The following DOCK1 variants were observed in gnomAD, a reference collection of about 807,000 sequenced individuals.
DOCK1 encodes the protein dedicator of cytokinesis protein 1.
DOCK1 carries 138 observed loss-of-function variants against 262.7 expected under a neutral mutation model. The ratio of observed to expected loss-of-function variants is 0.53; its 90% CI spans 0.46 to 0.61. The LOEUF (loss-of-function observed/expected upper bound fraction) is 0.61, where lower values mean the gene tolerates loss of function less well. Ranked by LOEUF, DOCK1 falls within the 20% of genes least tolerant of loss-of-function variation. DOCK1 has a pLI of 0.00. For missense variants in DOCK1, 1,908 were observed against 2,370.7 expected (o/e 0.80, Z 4.05); for synonymous variants, 866 against 867.4 (o/e 1.00, Z 0.03).
At chr10:126,985,379 A>G (rs1468395709) in intron 4 of DOCK1, among the ~76,000 whole-genome samples, 1 of 152,174 alleles carries the variant, frequency 6.6e-6, no homozygotes, top group African/African-American at 2.4e-5. Flanking sequence ...ATTCTTGAAC[A>G]CTGGCAGGTA....
chr10:126,928,551 GC>G (rs1211041999), intron 1 of DOCK1, among the ~76,000 whole-genome samples: 1 of 151,718 alleles, frequency 6.6e-6, no homozygotes, highest in Non-Finnish European at 1.5e-5. Context: ...CTCAGGCCCT[GC>G]CCCCAAGGGC....
At chr10:127,024,430 G>A (rs1200891058) in intron 14 of DOCK1, among the ~76,000 whole-genome samples, 1 of 152,196 alleles carries the variant, frequency 6.6e-6, no homozygotes, top group Admixed American at 6.5e-5. Flanking sequence ...AGGGTTGAGG[G>A]TCTGGGGAAC....
At chr10:127,192,000 T>C (rs752693943) in intron 27 of DOCK1, among the ~76,000 whole-genome samples, 12 of 152,260 alleles carry the variant, frequency 7.9e-5, no homozygotes, top group South Asian at 2.1e-4. Context: ...TATTAAGGGC[T>C]GAACTGGAAT....
chr10:127,048,127 A>T (rs1330796490), intron 21 of DOCK1, among the ~76,000 whole-genome samples: 2 of 152,188 alleles, frequency 1.3e-5, no homozygotes, highest in African/African-American at 2.4e-5. Flanking sequence ...TTGCATTCCC[A>T]CCAGCAATCT....
chr10:126,909,879 G>GT (rs1180018136), intron 1 of DOCK1, among the ~76,000 whole-genome samples: 1 of 152,204 alleles, frequency 6.6e-6, no homozygotes, highest in African/African-American at 2.4e-5. Context: ...CGGTTAACGG[G>GT]TTGCTGGAAA....
chr10:127,444,632 A>G (rs3818781), intron 50 of DOCK1, among the ~76,000 whole-genome samples: 49,937 of 152,020 alleles, frequency 0.33, 8,529 homozygotes, highest in East Asian at 0.44. Context: ...AGGACTGTGC[A>G]CTGGAGAAGC....
intron 27 of DOCK1, chr10:127,145,970 G>T (rs754129726): frequency 5.8e-6 from 3 of 514,278 alleles, no homozygotes; most frequent in South Asian, 1.4e-5. Context: ...CTGTGAGGAA[G>T]AACCTGCCCT....
chr10:126,915,123 TCTC>T (rs1315869038), intron 1 of DOCK1, among the ~76,000 whole-genome samples: 3 of 152,064 alleles, frequency 2.0e-5, no homozygotes, highest in African/African-American at 4.8e-5. Flanking sequence ...GATTTGGTGG[TCTC>T]CTCCACGTGT....
chr10:126,919,767 C>T (rs896802766), intron 1 of DOCK1, among the ~76,000 whole-genome samples: 5 of 152,198 alleles, frequency 3.3e-5, no homozygotes, highest in Admixed American at 2.0e-4. Flanking sequence ...GTGGTGGCTC[C>T]GTGTCCCCTG....
intron 27 of DOCK1, among the ~76,000 whole-genome samples, chr10:127,214,467 T>G (rs181837764): frequency 1.3e-5 from 2 of 152,362 alleles, no homozygotes; most frequent in East Asian, 3.9e-4. Flanking sequence ...TGCTTTTAGC[T>G]TTCAGCACTG....
intron 27 of DOCK1, among the ~76,000 whole-genome samples, chr10:127,163,099 C>T (rs924701036): frequency 6.6e-6 from 1 of 152,216 alleles, no homozygotes; most frequent in African/African-American, 2.4e-5. Context: ...TTGTGGCTCT[C>T]TTGCAGACCA....
intron 27 of DOCK1, among the ~76,000 whole-genome samples, chr10:127,226,047 C>T (rs949121526): frequency 6.8e-6 from 1 of 148,148 alleles, no homozygotes; most frequent in Non-Finnish European, 1.5e-5. Flanking sequence ...CACTGCACTC[C>T]AGCCGGGGCG....
intron 4 of DOCK1, among the ~76,000 whole-genome samples, chr10:126,982,670 C>T (rs138762312): frequency 3.4e-4 from 51 of 152,220 alleles, no homozygotes; most frequent in African/African-American, 1.1e-3. Flanking sequence ...ATTGCCTTTC[C>T]AAGCACTGTA....
chr10:127,086,830 T>G (rs1459206845), intron 23 of DOCK1, among the ~76,000 whole-genome samples: 1 of 152,230 alleles, frequency 6.6e-6, no homozygotes, highest in Admixed American at 6.5e-5. Context: ...CGAAACTACT[T>G]TAATATTCCT....
intron 33 of DOCK1, among the ~76,000 whole-genome samples, chr10:127,365,020 C>T (rs1269213707): frequency 1.3e-5 from 2 of 151,196 alleles, no homozygotes; most frequent in Admixed American, 1.3e-4. Context: ...TGTACTAATA[C>T]AACATTGTAA....
At chr10:127,360,173 G>C (rs370084314) in intron 32 of DOCK1, among the ~76,000 whole-genome samples, 25 of 152,312 alleles carry the variant, frequency 1.6e-4, no homozygotes, top group African/African-American at 5.8e-4. Flanking sequence ...CAGAGGTGCA[G>C]TGTCCAGGCA....
chr10:127,318,638 G>T (rs2062387738), intron 29 of DOCK1, among the ~76,000 whole-genome samples: 1 of 152,218 alleles, frequency 6.6e-6, no homozygotes, highest in African/African-American at 2.4e-5. Flanking sequence ...GGTGTGGCAT[G>T]GCAGTGTGGT....
At chr10:127,238,741 C>T (rs749183485) in intron 27 of DOCK1, among the ~76,000 whole-genome samples, 30 of 152,184 alleles carry the variant, frequency 2.0e-4, no homozygotes, top group Non-Finnish European at 4.0e-4. Context: ...AGAAGAAAGA[C>T]GTGACCCAGC....
At chr10:127,170,026 G>A (rs2054421605) in intron 27 of DOCK1, among the ~76,000 whole-genome samples, 1 of 151,728 alleles carries the variant, frequency 6.6e-6, no homozygotes, top group Non-Finnish European at 1.5e-5. Context: ...CTGTGTGCCC[G>A]AGACTTGGGA....
Sources: allele counts gnomAD v4.1 joint callset (sites outside exome capture counted in the v4.1 genomes callset), GRCh38; gene constraint gnomAD v4.1.1; transcripts MANE v1.5; gene names NCBI Gene and HGNC (gene_info 2026-07-23, HGNC 2026-07-21).